Variants in ETNPPL observed in about 807,000 individuals in gnomAD.
ETNPPL encodes ethanolamine-phosphate phospho-lyase.
ETNPPL carries 30 observed loss-of-function variants against 55.5 expected under a neutral mutation model. The ratio of observed to expected loss-of-function variants is 0.54; its 90% CI spans 0.40 to 0.73. The LOEUF is 0.73. ETNPPL is among the 30% of genes least tolerant of loss of function. ETNPPL has a pLI of 0.00. For synonymous variants in ETNPPL, 202 were observed against 207.2 expected, an observed-to-expected ratio of 0.98 and a Z score of 0.21; for missense variants, 528 against 607.9, an observed-to-expected ratio of 0.87 and a Z score of 1.38.
intron 3 of ETNPPL, 66 bp downstream of exon 3, chr4:108,759,683 G>A: frequency 6.6e-7 from 1 of 1,518,404 alleles, no homozygotes; most frequent in Non-Finnish European, 9.1e-7. Context: ...CAAAAGGAAA[G>A]ATTTGTGTGC....
chr4:108,750,950 G>T lies in ETNPPL; in HGVS notation c.687C>A (p.Phe229Leu). The T allele has an allele frequency of 6.2e-7, 1 of 1,613,172 alleles. No homozygotes were observed. The highest frequency in any genetic ancestry group is 1.1e-5 in the South Asian group (1 of 91,054). Residue 229 changes from phenylalanine (F) to leucine (L), a missense_variant, in exon 7 of 13, where the codon TTC (phenylalanine) becomes TTA (leucine). Transcript: ENST00000296486. ...GGQIIPPAGY[F>L]QKVAEYVHGA... The stretch of plus-strand genomic sequence containing the variant: ...CAAGTACATACTCTGCCACTTTCTG[G>T]AAGTAGCCTGCTGGAGGAATTATTT...
At chr4:108,749,132 TG>T in intron 8 of ETNPPL, 105 bp downstream of exon 8, 1 of 745,968 alleles carries the variant, frequency 1.3e-6, no homozygotes, top group South Asian at 1.9e-5. Flanking sequence ...GAGTTCTGGG[TG>T]GTTAGCCGGC....
Position 108,749,382 on chromosome 4 carries a change from G to A in ETNPPL, c.783C>T (p.Ser261=), listed in dbSNP as rs572138802. Residue 261 remains serine, a synonymous_variant, in exon 8 of 13, where the codon AGC becomes AGT. Transcript: ENST00000296486. ...CAAAGTCTTCACCATACATCTGGAA[G>A]CTCCAGAAATGTTTCCCAACTCTGC... is the stretch of plus-strand genomic sequence containing the variant. ...GFGRVGKHFW[S]FQMYGEDFVP... 222 of 1,613,934 alleles carry A rather than the reference G, an allele frequency of 1.4e-4. 5 individuals carry two copies. The South Asian group carries it at 2.3e-3, about 16-fold the overall frequency.
intron 12 of ETNPPL, among the ~76,000 whole-genome samples, chr4:108,743,514 T>C (rs557192295): frequency 1.3e-5 from 2 of 152,150 alleles, no homozygotes; most frequent in Non-Finnish European, 2.9e-5. Context: ...TCTCTCTATA[T>C]ATATTTTATA....
intron 3 of ETNPPL, 105 bp from the exon 4 acceptor site, chr4:108,756,597 G>A (rs564492491): frequency 2.5e-6 from 2 of 786,152 alleles, no homozygotes; most frequent in Admixed American, 4.2e-5. Flanking sequence ...AGCGCTTTGA[G>A]AGGCCAAGGA....
chr4:108,742,509 A>T lies in ETNPPL; in HGVS notation c.1475T>A (p.Leu492Gln). ...TCATGTCTTGAGCCTCTTACTGAGC[A>T]GTGAATGTGTATCCGTGCACATTCC... ...RNGMCTDTHS[L>Q]LSKRLKT Residue 492 changes from leucine to glutamine, a missense_variant, in exon 13 of 13, where the codon CTG becomes CAG. Transcript: ENST00000296486. The T allele has an allele frequency of 6.2e-7, 1 of 1,614,172 alleles. No homozygotes were observed. The highest frequency in any genetic ancestry group is 8.5e-7 in the Non-Finnish European group (1 of 1,180,006).
intron 5 of ETNPPL, among the ~76,000 whole-genome samples, chr4:108,753,752 G>T (rs57706909): frequency 0.2 from 21,818 of 108,064 alleles, 2,591 homozygotes; most frequent in East Asian, 0.5. Context: ...AAATAAATAA[G>T]AAAGAAAGAA....
chr4:108,745,285 A>G (rs1376010314), intron 11 of ETNPPL, among the ~76,000 whole-genome samples: 2 of 152,196 alleles, frequency 1.3e-5, no homozygotes, highest in African/African-American at 2.4e-5. Context: ...ATTTTTAAAG[A>G]AAAAAGCAAA....
At chr4:108,753,760 G>T (rs57942720) in intron 5 of ETNPPL, among the ~76,000 whole-genome samples, 21,493 of 127,604 alleles carry the variant, frequency 0.17, 2,582 homozygotes, top group East Asian at 0.49. Context: ...AAGAAAGAAA[G>T]AAAGAAAGAA....
In ETNPPL at chr4:108,762,949, C is replaced by G; in HGVS notation, c.-51G>C. On this transcript the variant is annotated 5_prime_UTR_variant, in exon 1 of 13. Coordinates refer to ENST00000296486, the MANE Select transcript of ETNPPL (RefSeq NM_031279.4). ...AGGTGCAAGGTGCAAGGTCTGCGCG[C>G]CTCCTACGCGAGCCTGGGACTGCCT... 6.3e-7 allele frequency: 1 copy of G among 1,575,414 alleles called. No individual in the cohort carries two copies. The highest frequency in any genetic ancestry group is 8.7e-7 in the Non-Finnish European group (1 of 1,146,656).
intron 1 of ETNPPL, chr4:108,762,220 G>A (rs1729538860): frequency 4.8e-5 from 18 of 374,090 alleles, no homozygotes; most frequent in South Asian, 3.6e-4. Flanking sequence ...GTTTGTGACG[G>A]GGGCAAGACA....
chr4:108,745,227 C>A (rs960828096), intron 11 of ETNPPL, among the ~76,000 whole-genome samples: 1 of 151,760 alleles, frequency 6.6e-6, no homozygotes, highest in Non-Finnish European at 1.5e-5. Context: ...TTCTGAATAA[C>A]AAAAGTCCTC....
At chr4:108,758,567 T>C (rs1729341446) in intron 3 of ETNPPL, among the ~76,000 whole-genome samples, 3 of 151,810 alleles carry the variant, frequency 2.0e-5, no homozygotes, top group South Asian at 2.1e-4. Flanking sequence ...CTGGGCAACA[T>C]AATGAGACAC....
intron 1 of ETNPPL, chr4:108,762,629 C>A (rs80119131): frequency 0.036 from 23,707 of 656,248 alleles, 632 homozygotes; most frequent in African/African-American, 0.098. Flanking sequence ...GACTTTCGAG[C>A]GGGCAGGAAG....
At chr4:108,745,044 A>G (rs547068664) in intron 11 of ETNPPL, among the ~76,000 whole-genome samples, 149 of 152,276 alleles carry the variant, frequency 9.8e-4, no homozygotes, top group African/African-American at 3.4e-3. Context: ...AATTGTAAAA[A>G]TATAACTAAA....
intron 10 of ETNPPL, 103 bp from the exon 11 acceptor site, chr4:108,746,632 G>T: frequency 6.8e-7 from 1 of 1,467,936 alleles, no homozygotes; most frequent in Non-Finnish European, 9.4e-7. Flanking sequence ...CATTTAAGAA[G>T]CCCACATTAT....
rs1729441339 is a variant in ETNPPL, at chr4:108,760,170, C to T, written c.175+18G>A. On this transcript the variant is annotated intron_variant, in intron 2 of 12. Transcript: ENST00000296486. ...CATGAACATTTCCTCCAAAGCACTG[C>T]AAGGACAGGACATTTACCATGGGCA... The T allele has an allele frequency of 6.7e-7, 1 of 1,499,968 alleles. No individual in the cohort carries two copies. Among genetic ancestry groups the T allele is most frequent in the African/African-American group, 1.4e-5 (1 of 72,536 alleles). The allele number at this position is 1,499,968 out of a possible 1,614,324, so 92.9% of individuals were successfully genotyped here.
At chr4:108,747,948 A>G in intron 9 of ETNPPL, 57 bp downstream of exon 9, 1 of 1,445,088 alleles carries the variant, frequency 6.9e-7, no homozygotes, top group Non-Finnish European at 9.5e-7. Context: ...CAGCCTATAA[A>G]CTATTATTAT....
intron 1 of ETNPPL, among the ~76,000 whole-genome samples, chr4:108,761,265 T>TG (rs1729496034): frequency 6.6e-6 from 1 of 152,214 alleles, no homozygotes; most frequent in Admixed American, 6.5e-5. Flanking sequence ...TCACACACAT[T>TG]GGAGGTAGTT....
Sources: gnomAD v4.1 joint callset for allele counts (sites outside exome capture counted in the v4.1 genomes callset) on GRCh38, gnomAD v4.1.1 for gene constraint, MANE v1.5 for transcripts, NCBI Gene and HGNC (gene_info 2026-07-23, HGNC 2026-07-21) for gene names.